The following ST6GALNAC3 variants were observed in gnomAD, a reference collection of about 807,000 sequenced individuals.
ST6GALNAC3 encodes the protein alpha-N-acetylgalactosaminide alpha-2,6-sialyltransferase 3.
In ST6GALNAC3, 25 loss-of-function variants were observed where a neutral mutation model predicts 32.7. The ratio of observed to expected loss-of-function variants is 0.76; its 90% CI spans 0.56 to 1.07. The LOEUF is 1.07. ST6GALNAC3 is among the 50% of genes least tolerant of loss of function. The pLI is 0.00. For missense variants in ST6GALNAC3, 355 were observed against 382.4 expected, an observed-to-expected ratio of 0.93 and a Z score of 0.60; for synonymous variants, 129 against 133.1, an observed-to-expected ratio of 0.97 and a Z score of 0.21.
At chr1:76,262,833 A>G (rs549315368) in intron 1 of ST6GALNAC3, among the ~76,000 whole-genome samples, 1 of 152,294 alleles carries the variant, frequency 6.6e-6, no homozygotes, top group African/African-American at 2.4e-5. Context: ...TCTTACTTCC[A>G]CGTTCAAAAC....
intron 3 of ST6GALNAC3, 57 bp downstream of exon 3, chr1:76,412,474 C>T (rs527898614): frequency 1.3e-4 from 193 of 1,483,820 alleles, no homozygotes; most frequent in Middle Eastern, 1.8e-4. Flanking sequence ...GCTAAATCTT[C>T]GCCAATTCCT....
At chr1:76,372,534 A>AC (rs1650912617) in intron 2 of ST6GALNAC3, among the ~76,000 whole-genome samples, 1 of 152,074 alleles carries the variant, frequency 6.6e-6, no homozygotes, top group African/African-American at 2.4e-5. Flanking sequence ...AGTTAATGAC[A>AC]CCACTGTCCT....
chr1:76,224,908 A>G (rs1039793059), intron 1 of ST6GALNAC3, among the ~76,000 whole-genome samples: 22 of 152,170 alleles, frequency 1.4e-4, no homozygotes. Context: ...ATCTGATGAC[A>G]GCAGAAAACC....
At chr1:76,442,772 A>G (rs1348997845) in intron 3 of ST6GALNAC3, among the ~76,000 whole-genome samples, 1 of 152,158 alleles carries the variant, frequency 6.6e-6, no homozygotes, top group East Asian at 1.9e-4. Flanking sequence ...TTTGGTTTTC[A>G]TAAACAGAAT....
At chr1:76,090,963 C>T (rs1226309868) in intron 1 of ST6GALNAC3, among the ~76,000 whole-genome samples, 1 of 152,118 alleles carries the variant, frequency 6.6e-6, no homozygotes, top group East Asian at 1.9e-4. Flanking sequence ...CTGGTCATTG[C>T]CCTTTGTACT....
chr1:76,330,399 G>A (rs1282833925), intron 2 of ST6GALNAC3, among the ~76,000 whole-genome samples: 5 of 151,728 alleles, frequency 3.3e-5, no homozygotes, highest in East Asian at 2.0e-4. Context: ...CTCATGATCC[G>A]CCTACCTCAG....
intron 2 of ST6GALNAC3, among the ~76,000 whole-genome samples, chr1:76,328,083 T>C (rs1370395489): frequency 1.3e-5 from 2 of 152,166 alleles, no homozygotes; most frequent in Non-Finnish European, 2.9e-5. Flanking sequence ...GTAATACAAC[T>C]CACCCAAAGT....
intron 3 of ST6GALNAC3, among the ~76,000 whole-genome samples, chr1:76,480,205 T>C (rs1659631335): frequency 6.6e-6 from 1 of 152,230 alleles, no homozygotes; most frequent in Non-Finnish European, 1.5e-5. Flanking sequence ...ACTACTGAAC[T>C]GAAATAGATT....
intron 2 of ST6GALNAC3, among the ~76,000 whole-genome samples, chr1:76,329,335 C>T (rs1410956188): frequency 6.6e-6 from 1 of 152,170 alleles, no homozygotes; most frequent in East Asian, 1.9e-4. Flanking sequence ...CCCCCATAAC[C>T]ATTTTTCTCT....
intron 1 of ST6GALNAC3, among the ~76,000 whole-genome samples, chr1:76,211,152 A>G (rs1392984109): frequency 6.6e-6 from 1 of 152,238 alleles, no homozygotes; most frequent in Non-Finnish European, 1.5e-5. Flanking sequence ...TCTCAAAAGA[A>G]GACATTTATG....
Position 76,604,963 on chromosome 1 carries a change from C to G in ST6GALNAC3, c.624-22489C>G, listed in dbSNP as rs530352273. 3.3e-5 allele frequency among the ~76,000 whole-genome samples: 5 copies of G among 152,272 alleles called. No homozygotes were observed. The East Asian group carries it at 9.7e-4, about 29-fold the overall frequency. The stretch of plus-strand genomic sequence containing the variant: ...CAGCTTTATTTTGTCTTAATTGGGT[C>G]ATTCTGTCACCAATATTTCCCATAT... On this transcript the variant is annotated intron_variant, in intron 3 of 4. Transcript: ENST00000328299.
intron 1 of ST6GALNAC3, among the ~76,000 whole-genome samples, chr1:76,236,688 T>C (rs1312465342): frequency 1.3e-5 from 2 of 152,194 alleles, no homozygotes; most frequent in Admixed American, 6.5e-5. Flanking sequence ...CTATAATCTC[T>C]ACTTGATGGT....
At chr1:76,215,210 C>A (rs767368445) in intron 1 of ST6GALNAC3, among the ~76,000 whole-genome samples, 1 of 152,064 alleles carries the variant, frequency 6.6e-6, no homozygotes, top group Non-Finnish European at 1.5e-5. Flanking sequence ...TGAATACAAT[C>A]CTTAAAAGTT....
chr1:76,480,690 G>A (rs1571363937), intron 3 of ST6GALNAC3, among the ~76,000 whole-genome samples: 1 of 152,052 alleles, frequency 6.6e-6, no homozygotes, highest in South Asian at 2.1e-4. Flanking sequence ...TCTTTTAGCA[G>A]TAAATGTTAT....
chr1:76,537,376 A>G (rs535586899), intron 3 of ST6GALNAC3, among the ~76,000 whole-genome samples: 1 of 152,324 alleles, frequency 6.6e-6, no homozygotes, highest in East Asian at 1.9e-4. Flanking sequence ...AAAGCTAAAA[A>G]GATCTCAAAT....
rs939242119 is a variant in ST6GALNAC3 at position 76,629,307 on chromosome 1, T to G, written c.*501T>G. The G allele has an allele frequency of 2.6e-5, 26 of 986,344 alleles. No homozygotes were observed. Among genetic ancestry groups the G allele is most frequent in the Non-Finnish European group, 2.8e-5 (23 of 830,692 alleles). 61.1% of individuals were successfully genotyped at this position (986,344 alleles called of 1,614,324 possible). A position where few individuals can be genotyped will look rare whatever the true frequency, so the allele number is the denominator to read the frequency against. On this transcript the variant is annotated 3_prime_UTR_variant, in exon 5 of 5. Transcript: ENST00000328299. Reference sequence around the variant, plus strand: ...GGTGCAAGTATCTTACTACTTAGCCTAAGGATGGGAAAATATCTCTTCCTA... The same window carrying G: ...GGTGCAAGTATCTTACTACTTAGCCGAAGGATGGGAAAATATCTCTTCCTA...
At chr1:76,505,289 A>AT (rs1375319831) in intron 3 of ST6GALNAC3, among the ~76,000 whole-genome samples, 1 of 151,758 alleles carries the variant, frequency 6.6e-6, no homozygotes, top group Non-Finnish European at 1.5e-5. Context: ...TGCCCAGCTA[A>AT]TTTTTTGTAT....
chr1:76,449,328 A>T (rs1301461504), intron 3 of ST6GALNAC3, among the ~76,000 whole-genome samples: 2 of 152,198 alleles, frequency 1.3e-5, no homozygotes, highest in Admixed American at 6.5e-5. Flanking sequence ...CCACATACTG[A>T]AGGGCATCTT....
chr1:76,252,500 A>G (rs1657677981), intron 1 of ST6GALNAC3, among the ~76,000 whole-genome samples: 1 of 152,120 alleles, frequency 6.6e-6, no homozygotes, highest in Non-Finnish European at 1.5e-5. Flanking sequence ...CTGGGAAAAT[A>G]CAGATGATAT....
Sources: allele counts gnomAD v4.1 joint callset (sites outside exome capture counted in the v4.1 genomes callset), GRCh38; gene constraint gnomAD v4.1.1; transcripts MANE v1.5; gene names NCBI Gene and HGNC (gene_info 2026-07-23, HGNC 2026-07-21).